The following POU2F1 variants were observed in gnomAD, a reference collection of about 807,000 sequenced individuals.
POU2F1 encodes POU domain, class 2, transcription factor 1.
In POU2F1, 16 loss-of-function variants were observed where a neutral mutation model predicts 84.9. The ratio of observed to expected loss-of-function variants is 0.19; its 90% CI spans 0.13 to 0.29. The LOEUF (loss-of-function observed/expected upper bound fraction) is 0.29, where lower values mean the gene tolerates loss of function less well. Ranked by LOEUF, POU2F1 falls within the 10% of genes least tolerant of loss-of-function variation. POU2F1 has a pLI of 1.00. For missense variants in POU2F1, 738 were observed against 942.6 expected, an observed-to-expected ratio of 0.78 and a Z score of 2.84; for synonymous variants, 368 against 368.3, an observed-to-expected ratio of 1.00 and a Z score of 0.01.
intron 1 of POU2F1, among the ~76,000 whole-genome samples, chr1:167,268,343 A>G (rs189558520): frequency 6.6e-6 from 1 of 152,288 alleles, no homozygotes; most frequent in African/African-American, 2.4e-5. Flanking sequence ...CTGGCAGTAG[A>G]ACTAATTTTT....
chr1:167,301,895 A>G (rs984793362), intron 1 of POU2F1, among the ~76,000 whole-genome samples: 18 of 152,004 alleles, frequency 1.2e-4, no homozygotes, highest in African/African-American at 4.4e-4. Flanking sequence ...GGACAGATCA[A>G]AATTTTTTAA....
At chr1:167,398,867 T>C (rs919663833) in intron 11 of POU2F1, among the ~76,000 whole-genome samples, 1 of 152,204 alleles carries the variant, frequency 6.6e-6, no homozygotes, top group Non-Finnish European at 1.5e-5. Flanking sequence ...TTAGATAGCA[T>C]GAAGCATGGA....
intron 1 of POU2F1, among the ~76,000 whole-genome samples, chr1:167,222,428 C>G (rs186050572): frequency 6.6e-6 from 1 of 152,280 alleles, no homozygotes; most frequent in African/African-American, 2.4e-5. Flanking sequence ...ACTCACAGCC[C>G]AACGCCGTGT....
At chr1:167,375,923 A>G (rs765909405) in intron 6 of POU2F1, 106 bp from the exon 7 acceptor site, 4 of 1,350,328 alleles carry the variant, frequency 3.0e-6, no homozygotes, top group Non-Finnish European at 4.1e-6. Flanking sequence ...CGAAGTATTT[A>G]CTCTTCTTTA....
intron 1 of POU2F1, among the ~76,000 whole-genome samples, chr1:167,295,802 C>T (rs760256911): frequency 1.3e-4 from 20 of 152,086 alleles, no homozygotes; most frequent in Admixed American, 1.2e-3. Context: ...AGAAGGCCTT[C>T]TTCTATACCA....
At chr1:167,242,340 A>G (rs1192676922) in intron 1 of POU2F1, among the ~76,000 whole-genome samples, 2 of 152,254 alleles carry the variant, frequency 1.3e-5, no homozygotes, top group African/African-American at 4.8e-5. Context: ...ACCAAGAAGA[A>G]GTGTATACCT....
intron 1 of POU2F1, among the ~76,000 whole-genome samples, chr1:167,258,622 A>T (rs145991006): frequency 1.3e-5 from 2 of 152,190 alleles, no homozygotes; most frequent in Non-Finnish European, 2.9e-5. Flanking sequence ...GAGGTTGGCA[A>T]ATCTTTTCTT....
At position 167,427,291 on chromosome 1, in the gene POU2F1, A is replaced by C. The variant is rs1027972897; in HGVS notation, c.*11481A>C. ...TATATTAAACTTACTGTAACTGTAC[A>C]GTTCATTTCTGTTGTAAAACATCAT... On this transcript the variant is annotated 3_prime_UTR_variant, in exon 16 of 16. Coordinates refer to ENST00000367866, the MANE Select transcript of POU2F1 (RefSeq NM_002697.4). 6.6e-6 allele frequency: 1 copy of C among 152,180 alleles called. No individual in the cohort carries two copies. Among genetic ancestry groups the C allele is most frequent in the African/African-American group, 2.4e-5 (1 of 41,434 alleles). The allele number at this position is 152,180 out of a possible 1,614,324, so 9.4% of individuals were successfully genotyped here. A position where few individuals can be genotyped will look rare whatever the true frequency, so the allele number is the denominator to read the frequency against.
At chr1:167,299,981 G>A (rs1654567565) in intron 1 of POU2F1, among the ~76,000 whole-genome samples, 1 of 152,142 alleles carries the variant, frequency 6.6e-6, no homozygotes, top group African/African-American at 2.4e-5. Flanking sequence ...AGTAGCTACT[G>A]TGCACTGTTC....
In POU2F1 at chr1:167,426,361, G is replaced by A. The variant is rs1650948120; in HGVS notation, c.*10551G>A. The stretch of plus-strand genomic sequence containing the variant: ...AATAATAGTATTTTTGTATGTTTTG[G>A]GTGTGTCTATGTATGTATTAACATA... On this transcript the variant is annotated 3_prime_UTR_variant, in exon 16 of 16. Transcript: ENST00000367866. 1 of 152,102 alleles carries A rather than the reference G, an allele frequency of 6.6e-6. No homozygotes were observed. The highest frequency in any genetic ancestry group is 2.1e-4 in the South Asian group (1 of 4,816). 9.4% of individuals were successfully genotyped at this position (152,102 alleles called of 1,614,324 possible). A position where few individuals can be genotyped will look rare whatever the true frequency, so the allele number is the denominator to read the frequency against.
In POU2F1 at chr1:167,326,796, A is replaced by G. The variant is rs145079895; in HGVS notation, c.62-5674A>G. Among the ~76,000 whole-genome samples the G allele has an allele frequency of 2.0e-5, 3 of 152,332 alleles. No homozygotes were observed. The East Asian group carries it at 5.8e-4, about 29-fold the overall frequency. On this transcript the variant is annotated intron_variant, in intron 1 of 15. Coordinates refer to ENST00000367866, the MANE Select transcript of POU2F1 (RefSeq NM_002697.4). Reference sequence around the variant, plus strand: ...GGTACAGACACACTCCTTTGTTAGCAATGATTGTCTGGCTGCAAGTCATCC... The same window carrying G: ...GGTACAGACACACTCCTTTGTTAGCGATGATTGTCTGGCTGCAAGTCATCC...
chr1:167,300,985 G>T (rs1459941845), intron 1 of POU2F1, among the ~76,000 whole-genome samples: 1 of 151,922 alleles, frequency 6.6e-6, no homozygotes, highest in Non-Finnish European at 1.5e-5. Flanking sequence ...GGCCAGGCTG[G>T]TCTTGAACTC....
chr1:167,273,531 C>T (rs1362858776), intron 1 of POU2F1, among the ~76,000 whole-genome samples: 1 of 152,218 alleles, frequency 6.6e-6, no homozygotes, highest in Non-Finnish European at 1.5e-5. Context: ...TCTGTGCACC[C>T]GCAGGCTTAC....
chr1:167,340,044 T>C (rs1193271617), intron 2 of POU2F1, among the ~76,000 whole-genome samples: 1 of 152,198 alleles, frequency 6.6e-6, no homozygotes, highest in East Asian at 1.9e-4. Context: ...GTTCAGTCAC[T>C]TGATGAAGGT....
At chr1:167,233,008 C>T (rs34994552) in intron 1 of POU2F1, among the ~76,000 whole-genome samples, 1,915 of 152,196 alleles carry the variant, frequency 0.013, 18 homozygotes, top group South Asian at 0.04. Flanking sequence ...CATTCATTGA[C>T]TCACCCAAAG....
chr1:167,362,321 T>C (rs1659401440), intron 2 of POU2F1, among the ~76,000 whole-genome samples: 1 of 152,218 alleles, frequency 6.6e-6, no homozygotes, highest in African/African-American at 2.4e-5. Flanking sequence ...TTGAATACTG[T>C]TTTGTATTCT....
intron 10 of POU2F1, among the ~76,000 whole-genome samples, chr1:167,397,627 C>T (rs1320279362): frequency 2.0e-5 from 3 of 152,164 alleles, no homozygotes; most frequent in African/African-American, 7.2e-5. Flanking sequence ...GTCACTGCAG[C>T]CTCCACCTCC....
chr1:167,303,399 T>C (rs1375179317), intron 1 of POU2F1: 1 of 154,328 alleles, frequency 6.5e-6, no homozygotes, highest in African/African-American at 2.4e-5. Context: ...CTGTGTGTAA[T>C]TGTTCTCTCT....
intron 13 of POU2F1, among the ~76,000 whole-genome samples, chr1:167,407,479 A>G (rs1276532197): frequency 6.6e-6 from 1 of 152,220 alleles, no homozygotes; most frequent in African/African-American, 2.4e-5. Flanking sequence ...GAGGATTTTC[A>G]TGTCCTAATT....
Sources: allele counts gnomAD v4.1 joint callset (sites outside exome capture counted in the v4.1 genomes callset), GRCh38; gene constraint gnomAD v4.1.1; transcripts MANE v1.5; gene names NCBI Gene and HGNC (gene_info 2026-07-23, HGNC 2026-07-21).